CDK17: variants seen among roughly 807,000 people sequenced by gnomAD.
The protein encoded by CDK17 is cyclin-dependent kinase 17.
Under a neutral mutation model 77.6 loss-of-function variants are expected in CDK17, and 24 were observed. That is an observed-to-expected ratio of 0.31 (90% CI 0.22 to 0.44). The LOEUF is 0.44. Ranked by LOEUF, CDK17 falls within the 20% of genes least tolerant of loss-of-function variation. The pLI, the probability that CDK17 is intolerant of heterozygous loss-of-function variation, is 1.00. For synonymous variants in CDK17, 203 were observed against 210.4 expected (o/e 0.96, Z 0.30); for missense variants, 429 against 622.5 (o/e 0.69, Z 3.31).
At chr12:96,286,839 C>A (rs972314984) in intron 11 of CDK17, 78 bp from the exon 12 acceptor site, 1 of 1,223,148 alleles carries the variant, frequency 8.2e-7, no homozygotes, top group Non-Finnish European at 1.2e-6. Flanking sequence ...CTTAAGGTTG[C>A]CTCTCTGCAG....
Position 96,278,754 on chromosome 12 carries a change from G to A in CDK17, c.*1488C>T, listed in dbSNP as rs764468924. ...TGGTCCAATATTCACCATTACACAT[G>A]AATCTGTTTCTTCCAGAATTTTTTA... On this transcript the variant is annotated 3_prime_UTR_variant, in exon 17 of 17. Coordinates refer to ENST00000261211, the MANE Select transcript of CDK17 (RefSeq NM_002595.5). 1 of 152,492 alleles carries A rather than the reference G, an allele frequency of 6.6e-6. No individual in the cohort carries two copies. The highest frequency in any genetic ancestry group is 6.6e-5 in the Admixed American group (1 of 15,258). 9.4% of individuals were successfully genotyped at this position (152,492 alleles called of 1,614,324 possible). A position where few individuals can be genotyped will look rare whatever the true frequency, so the allele number is the denominator to read the frequency against.
intron 1 of CDK17, chr12:96,335,262 C>T (rs1953026313): frequency 3.3e-6 from 1 of 302,428 alleles, no homozygotes; most frequent in Non-Finnish European, 6.4e-6. Flanking sequence ...TCAGATATAA[C>T]AGGGAGGCGG....
chr12:96,355,184 G>A (rs996537549), intron 1 of CDK17, among the ~76,000 whole-genome samples: 1 of 151,770 alleles, frequency 6.6e-6, no homozygotes, highest in Non-Finnish European at 1.5e-5. Context: ...TATAGCAGCT[G>A]TCTCTTTTTT....
Position 96,283,639 on chromosome 12 carries a change from G to A in CDK17, c.1329C>T (p.Asp443=). The A allele has an allele frequency of 6.3e-7, 1 of 1,597,010 alleles. No homozygotes were observed. The highest frequency in any genetic ancestry group is 8.6e-7 in the Non-Finnish European group (1 of 1,166,310). The change falls in exon 14 of 17, where the codon GAC becomes GAT. Residue 443 remains aspartate (D), a synonymous_variant. Coordinates refer to ENST00000261211, the MANE Select transcript of CDK17 (RefSeq NM_002595.5). ...QPLINHAPRL[D]SEGIELITKF... ...TTGTTATCAACTCAATTCCTTCAGA[G>A]TCTAACCTAGAAACAACAAAGAACA... is the stretch of plus-strand genomic sequence containing the variant.
chr12:96,363,748 G>A (rs547532678), intron 1 of CDK17, among the ~76,000 whole-genome samples: 112 of 152,254 alleles, frequency 7.4e-4, no homozygotes, highest in Non-Finnish European at 1.4e-3. Context: ...TACTCTAGAG[G>A]CTGAGGCAGG....
intron 15 of CDK17, 124 bp from the exon 16 acceptor site, chr12:96,281,009 G>C: frequency 1.3e-6 from 1 of 795,660 alleles, no homozygotes; most frequent in East Asian, 2.8e-5. Flanking sequence ...CAAGGTGATA[G>C]CCCTGCTGAA....
intron 1 of CDK17, among the ~76,000 whole-genome samples, chr12:96,389,032 A>G (rs1592773245): frequency 7.8e-6 from 1 of 127,550 alleles, no homozygotes; most frequent in East Asian, 2.6e-4. Flanking sequence ...TTTTTTTATT[A>G]TTATTATTAT....
intron 1 of CDK17, among the ~76,000 whole-genome samples, chr12:96,354,613 C>T (rs969615256): frequency 6.6e-6 from 1 of 152,168 alleles, no homozygotes; most frequent in East Asian, 1.9e-4. Flanking sequence ...GGCATGGTGG[C>T]TCACATCTGT....
intron 5 of CDK17, among the ~76,000 whole-genome samples, chr12:96,300,677 G>GT (rs1381834035): frequency 2.6e-5 from 4 of 152,182 alleles, no homozygotes; most frequent in Non-Finnish European, 5.9e-5. Context: ...GATTACAGGC[G>GT]TAAGCCACCG....
intron 5 of CDK17, among the ~76,000 whole-genome samples, chr12:96,310,236 C>G (rs751298828): frequency 2.4e-4 from 37 of 152,144 alleles, no homozygotes; most frequent in Admixed American, 1.0e-3. Flanking sequence ...ATAATACATA[C>G]TGTATAACTT....
intron 7 of CDK17, 53 bp downstream of exon 7, chr12:96,298,816 T>A (rs998115026): frequency 3.4e-5 from 32 of 933,254 alleles, no homozygotes; most frequent in Non-Finnish European, 5.1e-5. Context: ...TTATAAAAAA[T>A]AGACACTTAT....
Position 96,355,398 on chromosome 12 carries a change from G to GTTTTTTTT in CDK17, c.-29-20541_-29-20534dup, listed in dbSNP as rs58937020. ...CTTGCTGTCTAACATTCTACATTGG[G>GTTTTTTTT]TTTTTTTTTTTTTTTTTTTTTTTGG... On this transcript the variant is annotated intron_variant, in intron 1 of 16. Coordinates refer to ENST00000261211, the MANE Select transcript of CDK17 (RefSeq NM_002595.5). 6.9e-5 allele frequency among the ~76,000 whole-genome samples: 5 copies of GTTTTTTTT among 72,476 alleles called. 2 individuals carry two copies. The highest frequency in any genetic ancestry group is 1.2e-4 in the African/African-American group (2 of 16,264). 47.5% of individuals were successfully genotyped at this position (72,476 alleles called of 152,430 possible). A position where few individuals can be genotyped will look rare whatever the true frequency, so the allele number is the denominator to read the frequency against.
chr12:96,340,245 A>C (rs1438585274), intron 1 of CDK17, among the ~76,000 whole-genome samples: 1 of 152,174 alleles, frequency 6.6e-6, no homozygotes, highest in Non-Finnish European at 1.5e-5. Context: ...ACTCAGAATA[A>C]TACGCATGGC....
intron 1 of CDK17, among the ~76,000 whole-genome samples, chr12:96,374,586 C>T (rs1953748244): frequency 6.6e-6 from 1 of 152,206 alleles, no homozygotes; most frequent in African/African-American, 2.4e-5. Flanking sequence ...CATTCTCTGA[C>T]CTCTTGGCAA....
At chr12:96,280,547 G>T in intron 16 of CDK17, 2 of 1,412,080 alleles carry the variant, frequency 1.4e-6, no homozygotes, top group Non-Finnish European at 1.8e-6. Flanking sequence ...ATCAAGCCAG[G>T]TCACTTGTAA....
chr12:96,342,373 ATGT>A (rs1222843292), intron 1 of CDK17, among the ~76,000 whole-genome samples: 38 of 152,332 alleles, frequency 2.5e-4, no homozygotes, highest in African/African-American at 9.1e-4. Flanking sequence ...ATTAGAGACA[ATGT>A]TGTTATTTGC....
At chr12:96,325,957 G>C (rs1952887369) in intron 2 of CDK17, among the ~76,000 whole-genome samples, 3 of 152,160 alleles carry the variant, frequency 2.0e-5, no homozygotes, top group African/African-American at 7.2e-5. Context: ...CCAGGAGTTT[G>C]CGGCTGCAGT....
In CDK17 at chr12:96,298,911, A is replaced by C. The variant is rs746292723; in HGVS notation, c.673T>G (p.Leu225Val). The C allele has an allele frequency of 6.2e-7, 1 of 1,610,826 alleles. No homozygotes were observed. The highest frequency in any genetic ancestry group is 1.3e-5 in the African/African-American group (1 of 74,830). Residue 225 changes from leucine (L) to valine (V), a missense_variant, in exon 7 of 17, where the codon TTG becomes GTG. By Grantham distance (32) the Leu-to-Val change is conservative. Transcript: ENST00000261211. ...ENLVALKEIR[L>V]EHEEGAPCTA... ...CAGGGTGCACCTTCTTCATGTTCCAATCGGATCTCTTTTAATGCCACCAAA... is the reference window on the plus strand; with the variant it reads ...CAGGGTGCACCTTCTTCATGTTCCACTCGGATCTCTTTTAATGCCACCAAA...
intron 8 of CDK17, 122 bp from the exon 9 acceptor site, chr12:96,297,454 C>T (rs968786526): frequency 8.0e-6 from 6 of 751,300 alleles, no homozygotes; most frequent in Non-Finnish European, 1.3e-5. Context: ...GCACCATACA[C>T]ATAATTTAAT....
Sources: allele counts gnomAD v4.1 joint callset (sites outside exome capture counted in the v4.1 genomes callset), GRCh38; gene constraint gnomAD v4.1.1; transcripts MANE v1.5; gene names NCBI Gene and HGNC (gene_info 2026-07-23, HGNC 2026-07-21).